Variants in PTPRD observed in about 807,000 individuals in gnomAD.
The protein encoded by PTPRD is protein tyrosine phosphatase receptor type D.
In PTPRD, 34 loss-of-function variants were observed where a neutral mutation model predicts 214.5. The observed-to-expected ratio is 0.16, with a 90% confidence interval of 0.12 to 0.21. PTPRD has a LOEUF of 0.21. Among genes scored for constraint, PTPRD ranks in the 10% least tolerant of loss-of-function variants. PTPRD has a pLI of 1.00. For synonymous variants in PTPRD, 1,128 were observed against 845.7 expected (o/e 1.33, Z -5.79); for missense variants, 2,545 against 2,398.7 (o/e 1.06, Z -1.27).
At chr9:10,348,627 T>G (rs1160853026) in intron 2 of PTPRD, among the ~76,000 whole-genome samples, 1 of 152,216 alleles carries the variant, frequency 6.6e-6, no homozygotes, top group African/African-American at 2.4e-5. Flanking sequence ...AAAAAAAGTT[T>G]ACCTCCCCTG....
At chr9:9,376,202 C>T (rs2060753858) in intron 9 of PTPRD, among the ~76,000 whole-genome samples, 1 of 152,016 alleles carries the variant, frequency 6.6e-6, no homozygotes. Context: ...AGTCTTCATT[C>T]AAAATCATTT....
intron 6 of PTPRD, among the ~76,000 whole-genome samples, chr9:9,757,384 C>T (rs2098597342): frequency 2.6e-5 from 4 of 152,160 alleles, no homozygotes. Flanking sequence ...AGCTTCTGGG[C>T]TTAAATAAGT....
chr9:10,532,071 G>T (rs1034681172), intron 2 of PTPRD: 9 of 152,202 alleles, frequency 5.9e-5, no homozygotes, highest in Admixed American at 4.6e-4. Context: ...TGTAAAACAA[G>T]CATTAATTTA....
intron 9 of PTPRD, among the ~76,000 whole-genome samples, chr9:9,332,456 G>A (rs1380597110): frequency 6.6e-6 from 1 of 151,578 alleles, no homozygotes; most frequent in Non-Finnish European, 1.5e-5. Context: ...AAATTAGGAT[G>A]CAAAACAGAT....
chr9:8,763,443 G>C (rs971153874), intron 11 of PTPRD, among the ~76,000 whole-genome samples: 1 of 152,042 alleles, frequency 6.6e-6, no homozygotes, highest in African/African-American at 2.4e-5. Context: ...ATATCCAGGA[G>C]GAGGAGGTTG....
Position 9,293,128 on chromosome 9 carries a change from T to C in PTPRD, c.-203+104321A>G, listed in dbSNP as rs139037310. Among the ~76,000 whole-genome samples the C allele has an allele frequency of 5.3e-3, 805 of 151,658 alleles. 10 individuals carry two copies. Among genetic ancestry groups the C allele is most frequent in the African/African-American group, 0.018 (758 of 41,496 alleles). ...AAGTGGAGAGTTATGCTTTACCTTC[T>C]TGAGAGTGAAATAACCACATAAATT... On this transcript the variant is annotated intron_variant, in intron 9 of 45. Coordinates refer to ENST00000381196, the MANE Select transcript of PTPRD (RefSeq NM_002839.4).
At chr9:9,734,168 T>C (rs1456230765) in intron 7 of PTPRD, among the ~76,000 whole-genome samples, 3 of 152,214 alleles carry the variant, frequency 2.0e-5, no homozygotes, top group Non-Finnish European at 4.4e-5. Context: ...GTTTTTATCT[T>C]GCTTCTGCAT....
At chr9:9,877,464 T>C (rs2067216207) in intron 5 of PTPRD, among the ~76,000 whole-genome samples, 2 of 152,136 alleles carry the variant, frequency 1.3e-5, no homozygotes, top group Admixed American at 1.3e-4. Flanking sequence ...GATTCTTGAA[T>C]GATATGTTAG....
intron 10 of PTPRD, among the ~76,000 whole-genome samples, chr9:9,138,562 C>G (rs1427725404): frequency 1.3e-5 from 2 of 151,982 alleles, no homozygotes; most frequent in Admixed American, 1.3e-4. Context: ...TTAATAAATG[C>G]CTTAACTTTT....
intron 11 of PTPRD, among the ~76,000 whole-genome samples, chr9:8,963,228 A>G (rs2099168052): frequency 6.6e-6 from 1 of 152,156 alleles, no homozygotes; most frequent in Non-Finnish European, 1.5e-5. Flanking sequence ...AAGTAAAGAG[A>G]AGCAAGGAAA....
intron 7 of PTPRD, among the ~76,000 whole-genome samples, chr9:9,625,563 T>TTG (rs1332031919): frequency 6.6e-6 from 1 of 152,032 alleles, no homozygotes; most frequent in Non-Finnish European, 1.5e-5. Flanking sequence ...ATTTTTTTTT[T>TTG]TTTTGTTTTG....
intron 5 of PTPRD, among the ~76,000 whole-genome samples, chr9:9,934,387 A>G (rs1463884102): frequency 1.4e-5 from 2 of 146,112 alleles, no homozygotes; most frequent in African/African-American, 5.1e-5. Context: ...AAAATGATAA[A>G]GGGGATATCG....
chr9:10,306,530 C>A (rs1489188958), intron 3 of PTPRD, among the ~76,000 whole-genome samples: 1 of 151,930 alleles, frequency 6.6e-6, no homozygotes, highest in African/African-American at 2.4e-5. Context: ...TTCAAATATG[C>A]GATACAATAT....
chr9:9,270,197 A>G (rs929889325), intron 9 of PTPRD, among the ~76,000 whole-genome samples: 1 of 151,292 alleles, frequency 6.6e-6, no homozygotes, highest in African/African-American at 2.4e-5. Flanking sequence ...CACACATTAA[A>G]TATGAACAAT....
intron 2 of PTPRD, among the ~76,000 whole-genome samples, chr9:10,586,356 T>C (rs2073881353): frequency 6.6e-6 from 1 of 152,082 alleles, no homozygotes; most frequent in African/African-American, 2.4e-5. Context: ...ATACTAAATA[T>C]AGACTGGTAT....
chr9:9,364,535 C>T lies in PTPRD; in HGVS notation c.-203+32914G>A, dbSNP rs74693496. ...TGAGGCAGCTATCCCTGCACATATA[C>T]GAGGGAAGAGCATTCTATGCAGAAA... On this transcript the variant is annotated intron_variant, in intron 9 of 45. Transcript: ENST00000381196. 7.1e-3 allele frequency among the ~76,000 whole-genome samples: 1,068 copies of T among 151,352 alleles called. 10 individuals are homozygous for T. The highest frequency in any genetic ancestry group is 0.025 in the African/African-American group (1,028 of 41,362).
intron 14 of PTPRD, among the ~76,000 whole-genome samples, chr9:8,600,537 T>G (rs1360207352): frequency 2.0e-5 from 3 of 150,564 alleles, no homozygotes; most frequent in Non-Finnish European, 3.0e-5. Context: ...GAGGAAAGAG[T>G]AAAGAGGACT....
intron 3 of PTPRD, among the ~76,000 whole-genome samples, chr9:10,109,207 T>A (rs1280351602): frequency 6.6e-6 from 1 of 152,160 alleles, no homozygotes; most frequent in Non-Finnish European, 1.5e-5. Context: ...GCATTTTTAT[T>A]TCTTGCTTCT....
chr9:8,464,943 C>T (rs957820682), intron 32 of PTPRD, among the ~76,000 whole-genome samples: 13 of 151,770 alleles, frequency 8.6e-5, no homozygotes, highest in Admixed American at 4.6e-4. Context: ...CTCATGAATC[C>T]GGGTAGAGGC....
Sources: gnomAD v4.1 joint callset for allele counts (sites outside exome capture counted in the v4.1 genomes callset) on GRCh38, gnomAD v4.1.1 for gene constraint, MANE v1.5 for transcripts, NCBI Gene and HGNC (gene_info 2026-07-23, HGNC 2026-07-21) for gene names.